Variants in MXRA8 observed in about 807,000 individuals in gnomAD.
MXRA8 encodes matrix remodeling associated 8.
In MXRA8, 44 loss-of-function variants were observed where a neutral mutation model predicts 51.4. The observed-to-expected ratio is 0.86, with a 90% CI of 0.67 to 1.10. The LOEUF (loss-of-function observed/expected upper bound fraction) is 1.10. Among genes scored for constraint, MXRA8 ranks in the 50% least tolerant of loss-of-function variants. The pLI is 0.00. For synonymous variants in MXRA8, 369 were observed against 293.5 expected (o/e 1.26, Z -2.63); for missense variants, 765 against 638.9 (o/e 1.20, Z -2.13).
In MXRA8 at chr1:1,355,226, C is replaced by T. The variant is rs1459946820; in HGVS notation, c.478+18G>A. The T allele has an allele frequency of 6.0e-6, 4 of 664,584 alleles. No homozygotes were observed. The Admixed American group carries it at 8.5e-5, about 14-fold the overall frequency. The allele number at this position is 664,584 out of a possible 1,614,324, so 41.2% of individuals were successfully genotyped here. ...GGGTCGAGGGGCGGGAGCTGGGGGG[C>T]GGGGGGGAAGCACTCACGGCCGTCG... On this transcript the variant is annotated intron_variant, in intron 4 of 9. Coordinates refer to ENST00000309212, the MANE Select transcript of MXRA8 (RefSeq NM_032348.4).
rs752088599 is a variant in MXRA8 at position 1,353,213 on chromosome 1, A to C, written c.*391T>G. ...ACATCTCCCAGCCCCCGACGAGCAG[A>C]GCCCTGGAGGAGTGGGACTCCTGCC... On this transcript the variant is annotated 3_prime_UTR_variant, in exon 10 of 10. Transcript: ENST00000309212. 2.2e-4 allele frequency: 281 copies of C among 1,289,400 alleles called. 2 individuals carry two copies. The highest frequency in any genetic ancestry group is 3.0e-4 in the Non-Finnish European group (272 of 912,228). The allele number at this position is 1,289,400 out of a possible 1,614,324, so 79.9% of individuals were successfully genotyped here.
At chr1:1,358,563 C>G, upstream of MXRA8, 1 of 1,582,440 alleles carries the variant, frequency 6.3e-7, no homozygotes, top group Non-Finnish European at 8.6e-7. Flanking sequence ...TCCAGAAAAA[C>G]AGCCCTACCC....
chr1:1,354,357 C>A lies in MXRA8; in HGVS notation c.1102G>T (p.Gly368Ter), dbSNP rs1644071858. The change falls in exon 6 of 10, where the codon GGA (glycine) becomes TGA (stop). Residue 368 changes from glycine (G) to a stop codon, truncating the protein, a stop_gained. Transcript: ENST00000309212. LOFTEE classifies it high-confidence loss of function. ...TVLLAARRRR[G>*]GYEYSDQKSG... The stretch of plus-strand genomic sequence containing the variant: ...GGCTTTGCCGGGGCAGCCTCACCTC[C>A]GCGGCGCCTGCGGGCGGCCAGGAGG... The A allele has an allele frequency of 6.2e-7, 1 of 1,610,200 alleles. No homozygotes were observed. Among genetic ancestry groups the A allele is most frequent in the Non-Finnish European group, 8.5e-7 (1 of 1,178,906 alleles).
chr1:1,358,375 C>T (rs1427405062), intron 1 of MXRA8, 81 bp downstream of exon 1: 1 of 1,468,676 alleles, frequency 6.8e-7, no homozygotes, highest in Non-Finnish European at 9.2e-7. Flanking sequence ...GGCCCAAGCT[C>T]AGATGGGCGG....
chr1:1,360,230 G>A (rs1644203804), upstream of MXRA8, among the ~76,000 whole-genome samples: 1 of 152,258 alleles, frequency 6.6e-6, no homozygotes, highest in African/African-American at 2.4e-5. Context: ...AGCCAGCGGA[G>A]ATGCAGGCCA....
intron 1 of MXRA8, among the ~76,000 whole-genome samples, chr1:1,358,001 C>G (rs987906522): frequency 4.6e-5 from 7 of 152,180 alleles, no homozygotes; most frequent in African/African-American, 7.2e-5. Context: ...TCACATAGAT[C>G]CTATGTGAAA....
intron 2 of MXRA8, among the ~76,000 whole-genome samples, chr1:1,356,088 G>T: frequency 9.5e-6 from 1 of 105,762 alleles, no homozygotes; most frequent in Non-Finnish European, 2.0e-5. Flanking sequence ...GGCGGGGTTG[G>T]GGGCATCTTT....
Position 1,355,553 on chromosome 1 carries a change from C to G in MXRA8, c.273G>C (p.Leu91Phe). The G allele has an allele frequency of 1.3e-6, 2 of 1,489,944 alleles. No individual in the cohort carries two copies. The highest frequency in any genetic ancestry group is 1.8e-6 in the Non-Finnish European group (2 of 1,128,772). 92.3% of individuals were successfully genotyped at this position (1,489,944 alleles called of 1,614,324 possible). A position where few individuals can be genotyped will look rare whatever the true frequency, so the allele number is the denominator to read the frequency against. The stretch of plus-strand genomic sequence containing the variant: ...ACACGCGCTGCTCGCCCGCCGAGTA[C>G]AAGTCCAGCAGGCGCCGCGCGGGGC... Reference protein sequence around the residue: ...GGGPARRLLDLYSAGEQRVYE... With the variant: ...GGGPARRLLDFYSAGEQRVYE... The change falls in exon 3 of 10, where the codon TTG (leucine) becomes TTC (phenylalanine). Residue 91 changes from leucine (L) to phenylalanine (F), a missense_variant. By Grantham distance (22) the Leu-to-Phe change is conservative. Coordinates refer to ENST00000309212, the MANE Select transcript of MXRA8 (RefSeq NM_032348.4).
In MXRA8 at chr1:1,352,845, A is replaced by T. The variant is rs1411326478; in HGVS notation, c.*759T>A. 1.2e-5 allele frequency: 3 copies of T among 245,252 alleles called. No individual in the cohort carries two copies. Among genetic ancestry groups the T allele is most frequent in the African/African-American group, 7.1e-5 (3 of 42,390 alleles). 15.2% of individuals were successfully genotyped at this position (245,252 alleles called of 1,614,324 possible). On this transcript the variant is annotated 3_prime_UTR_variant, in exon 10 of 10. Coordinates refer to ENST00000309212, the MANE Select transcript of MXRA8 (RefSeq NM_032348.4). ...AGAAGCCAAATGTAGCCCCAGCCCTAGACTCCAGCCCAGGCAGAGTCCAAG... is the reference window on the plus strand; with the variant it reads ...AGAAGCCAAATGTAGCCCCAGCCCTTGACTCCAGCCCAGGCAGAGTCCAAG...
chr1:1,359,151 G>A (rs1218640998), upstream of MXRA8: 1 of 985,256 alleles, frequency 1.0e-6, no homozygotes, highest in Non-Finnish European at 1.2e-6. Flanking sequence ...TTACAACCTG[G>A]AGAGTCAGCC....
At chr1:1,355,180 GCGGGC>G in intron 4 of MXRA8, 28 bp from the exon 5 acceptor site, 1 of 1,390,502 alleles carries the variant, frequency 7.2e-7, no homozygotes, top group Non-Finnish European at 9.3e-7. Flanking sequence ...TCAGCGGCGC[GCGGGC>G]CGGGGCGGCG....
Position 1,353,005 on chromosome 1 carries a change from C to T in MXRA8, c.*599G>A. The T allele has an allele frequency of 3.7e-6, 2 of 535,838 alleles. No individual in the cohort carries two copies. Among genetic ancestry groups the T allele is most frequent in the South Asian group, 2.3e-5 (1 of 43,344 alleles). 33.2% of individuals were successfully genotyped at this position (535,838 alleles called of 1,614,324 possible). On this transcript the variant is annotated 3_prime_UTR_variant, in exon 10 of 10. Transcript: ENST00000309212. ...GGTGGCCCAAAGCAACACAGAGGAGCAAGGGCTGGCATTCAAGTCAGCAGG... is the reference window on the plus strand; with the variant it reads ...GGTGGCCCAAAGCAACACAGAGGAGTAAGGGCTGGCATTCAAGTCAGCAGG...
Position 1,353,909 on chromosome 1 carries a change from C to T in MXRA8, c.1242G>A (p.Leu414=), listed in dbSNP as rs770472448. ...TGTGGGCCAGCTCCGCCCTCTCCTTCAGGATGTTGTTTTTGTAATCTGTGG... is the reference window on the plus strand; with the variant it reads ...TGTGGGCCAGCTCCGCCCTCTCCTTTAGGATGTTGTTTTTGTAATCTGTGG... ...DIQLDYKNNI[L]KERAELAHSP... Residue 414 remains leucine (L), a synonymous_variant, in exon 9 of 10, where the codon CTG becomes CTA. Transcript: ENST00000309212. The T allele has an allele frequency of 6.2e-7, 1 of 1,609,764 alleles. No homozygotes were observed. Among genetic ancestry groups the T allele is most frequent in the Non-Finnish European group, 8.5e-7 (1 of 1,178,258 alleles).
At chr1:1,353,789 G>A in intron 9 of MXRA8, 59 bp downstream of exon 9, 2 of 1,510,102 alleles carry the variant, frequency 1.3e-6, no homozygotes, top group Non-Finnish European at 1.8e-6. Context: ...GGTCCCAGGT[G>A]AGGTGGAATG....
chr1:1,357,131 C>T (rs1005725003), intron 1 of MXRA8, among the ~76,000 whole-genome samples: 6 of 152,214 alleles, frequency 3.9e-5, no homozygotes, highest in African/African-American at 1.4e-4. Context: ...ACACCTAAGG[C>T]TCAGCGCAGC....
At chr1:1,357,401 CT>C (rs1462133752) in intron 1 of MXRA8, among the ~76,000 whole-genome samples, 1 of 152,160 alleles carries the variant, frequency 6.6e-6, no homozygotes, top group Non-Finnish European at 1.5e-5. Context: ...TGACCACCCC[CT>C]GTGTCCCCAC....
chr1:1,359,536 C>T (rs1445450730), upstream of MXRA8: 1 of 985,180 alleles, frequency 1.0e-6, no homozygotes. Context: ...CCTTACAGGC[C>T]CCGAGGGCCC....
In MXRA8 at chr1:1,354,450, G is replaced by A; in HGVS notation, c.1009C>T (p.His337Tyr). The A allele has an allele frequency of 1.2e-6, 2 of 1,612,476 alleles. No homozygotes were observed. The highest frequency in any genetic ancestry group is 1.1e-5 in the South Asian group (1 of 91,084). ...INVIVPESRAHFFQQLGYVLA... is the reference protein window; with the variant it reads ...INVIVPESRAYFFQQLGYVLA... ...ACGTAGCCCAGCTGCTGGAAGAAGT[G>A]GGCTCGGCTCTCGGGGACGATGACA... The change falls in exon 6 of 10, where the codon CAC (histidine) becomes TAC (tyrosine). Residue 337 changes from histidine (H) to tyrosine (Y), a missense_variant. His to Tyr is a moderately conservative substitution (Grantham distance 83, BLOSUM62 2). Transcript: ENST00000309212.
intron 7 of MXRA8, 41 bp downstream of exon 7, chr1:1,354,152 G>T: frequency 6.2e-7 from 1 of 1,612,802 alleles, no homozygotes. Flanking sequence ...TGGGGTGAAG[G>T]GGGCCCTGGT....
Sources: allele counts gnomAD v4.1 joint callset (sites outside exome capture counted in the v4.1 genomes callset), GRCh38; gene constraint gnomAD v4.1.1; transcripts MANE v1.5; gene names NCBI Gene and HGNC (gene_info 2026-07-23, HGNC 2026-07-21).